The following COBL variants were observed in gnomAD, a reference collection of about 807,000 sequenced individuals.
COBL encodes cordon-bleu WH2 repeat protein.
Under a neutral mutation model 98.8 loss-of-function variants are expected in COBL, and 51 were observed. The ratio of observed to expected loss-of-function variants is 0.52; its 90% CI spans 0.41 to 0.65. COBL has a LOEUF of 0.65. COBL is among the 30% of genes least tolerant of loss of function. The pLI is 0.00. For synonymous variants in COBL, 634 were observed against 651.7 expected, an observed-to-expected ratio of 0.97 and a Z score of 0.41; for missense variants, 1,617 against 1,617.5, an observed-to-expected ratio of 1.00 and a Z score of 0.01.
chr7:51,036,336 CAAAAAAAAAAAAAAA>C (rs59610375), intron 8 of COBL, among the ~76,000 whole-genome samples: 6,923 of 94,432 alleles, frequency 0.073, 702 homozygotes, highest in African/African-American at 0.28. Context: ...GACTCCGTCT[CAAAAAAAAAAAAAAA>C]AAAAAAAAAA....
chr7:51,236,646 G>T (rs1198723478), intron 1 of COBL, among the ~76,000 whole-genome samples: 1 of 151,992 alleles, frequency 6.6e-6, no homozygotes, highest in Non-Finnish European at 1.5e-5. Context: ...TAACAGGGAG[G>T]GGCTTGGGTT....
intron 5 of COBL, among the ~76,000 whole-genome samples, chr7:51,159,307 T>A (rs757538766): frequency 2.0e-5 from 3 of 152,024 alleles, no homozygotes; most frequent in Non-Finnish European, 4.4e-5. Context: ...AGATCCTAGA[T>A]GTATCTTGAA....
intron 6 of COBL, among the ~76,000 whole-genome samples, chr7:51,099,907 G>T (rs1030927863): frequency 6.6e-6 from 1 of 152,060 alleles, no homozygotes; most frequent in African/African-American, 2.4e-5. Flanking sequence ...GTTCTAACTT[G>T]TAAGACTTTT....
At chr7:51,158,629 TG>T (rs1468083231) in intron 5 of COBL, among the ~76,000 whole-genome samples, 13 of 151,928 alleles carry the variant, frequency 8.6e-5, no homozygotes, top group African/African-American at 3.1e-4. Context: ...CTGGGGCAGG[TG>T]CCACTAGGAA....
intron 4 of COBL, 63 bp from the exon 5 acceptor site, chr7:51,184,262 T>A: frequency 1.1e-6 from 1 of 886,988 alleles, no homozygotes; most frequent in Non-Finnish European, 1.7e-6. Context: ...ATACTTTACT[T>A]AAAAAATCTT....
Position 51,016,285 on chromosome 7 carries a change from C to T in COBL, c.*1266G>A, listed in dbSNP as rs1460388070. 6.6e-6 allele frequency: 1 copy of T among 152,170 alleles called. No homozygotes were observed. The highest frequency in any genetic ancestry group is 1.5e-5 in the Non-Finnish European group (1 of 68,034). The allele number at this position is 152,170 out of a possible 1,614,324, so 9.4% of individuals were successfully genotyped here. On this transcript the variant is annotated 3_prime_UTR_variant, in exon 13 of 13. Transcript: ENST00000265136. Reference sequence around the variant, plus strand: ...GATGAAGAGCAATTGGCTGGTAGCTCGTGCCTCACCAAGAGTTTAGCAACG... The same window carrying T: ...GATGAAGAGCAATTGGCTGGTAGCTTGTGCCTCACCAAGAGTTTAGCAACG...
rs780349607 is a variant in COBL, at chr7:51,085,207, T to C, written c.1055A>G (p.Asn352Ser). 1.4e-5 allele frequency: 23 copies of C among 1,613,740 alleles called. No homozygotes were observed. The highest frequency in any genetic ancestry group is 2.7e-5 in the African/African-American group (2 of 74,856). The change falls in exon 7 of 13, where the codon AAC becomes AGC. Residue 352 changes from asparagine (N) to serine (S), a missense_variant. This residue lies in a region of COBL where 1,304 missense variants were observed against 1,282.0 expected (regional missense o/e 1.02). Transcript: ENST00000265136. ...GTTCTCCTCCTTATCCTCAGTGCGG[T>C]TGGGGATCAGGGGACTCGGTGGTGG... ...QPPPPSPLIP[N>S]RTEDKEENRK... is the part of the protein sequence containing the mutation.
intron 2 of COBL, among the ~76,000 whole-genome samples, chr7:51,217,411 G>A (rs1460446020): frequency 2.1e-5 from 3 of 144,008 alleles, no homozygotes; most frequent in East Asian, 2.1e-4. Flanking sequence ...GCGTGATCTC[G>A]GCTCACCACA....
chr7:51,017,564 G>C lies in COBL; in HGVS notation c.3773C>G (p.Pro1258Arg), dbSNP rs202162392. 6.8e-6 allele frequency: 11 copies of C among 1,613,976 alleles called. No homozygotes were observed. The highest frequency in any genetic ancestry group is 6.8e-6 in the Non-Finnish European group (8 of 1,179,868). ...GTGAARLRKVPLLV is the reference protein window; with the variant it reads ...GTGAARLRKVRLLV ...GCCTCTGTTCATTCACACGAGCAAG[G>C]GCACCTGCAGGGAAGAGAGATTCAC... is the stretch of plus-strand genomic sequence containing the variant. Residue 1258 changes from proline to arginine, a missense_variant, in exon 13 of 13, where the codon CCC becomes CGC. Coordinates refer to ENST00000265136, the MANE Select transcript of COBL (RefSeq NM_015198.5).
At chr7:51,309,033 C>A (rs570739711) in intron 1 of COBL, among the ~76,000 whole-genome samples, 2 of 152,278 alleles carry the variant, frequency 1.3e-5, no homozygotes, top group South Asian at 2.1e-4. Context: ...GTCAGGGGCA[C>A]CCCTTCCCAA....
intron 5 of COBL, among the ~76,000 whole-genome samples, chr7:51,155,226 G>A (rs1055747027): frequency 2.0e-4 from 30 of 152,136 alleles, no homozygotes; most frequent in Non-Finnish European, 3.4e-4. Flanking sequence ...AGGATCAGAA[G>A]CCACTCTGCC....
chr7:51,087,448 T>G (rs972963143), intron 6 of COBL, among the ~76,000 whole-genome samples: 3 of 152,198 alleles, frequency 2.0e-5, no homozygotes, highest in Admixed American at 2.0e-4. Flanking sequence ...TATTCAGTTC[T>G]GATCCTTATG....
At chr7:51,058,804 T>A (rs1457933798) in intron 7 of COBL, among the ~76,000 whole-genome samples, 1 of 152,230 alleles carries the variant, frequency 6.6e-6, no homozygotes, top group African/African-American at 2.4e-5. Flanking sequence ...AGAGCGAGTC[T>A]GATTGCTGAG....
At chr7:51,105,575 C>G (rs1796183767) in intron 6 of COBL, among the ~76,000 whole-genome samples, 1 of 152,074 alleles carries the variant, frequency 6.6e-6, no homozygotes, top group Admixed American at 6.5e-5. Flanking sequence ...ATAGCAAAAC[C>G]CCATCTCTAC....
chr7:51,178,497 G>T (rs1788629644), intron 5 of COBL, among the ~76,000 whole-genome samples: 1 of 151,914 alleles, frequency 6.6e-6, no homozygotes, highest in Non-Finnish European at 1.5e-5. Flanking sequence ...TTTGAACAGG[G>T]TTTTCATATA....
rs549125747 is a variant in COBL at position 51,299,369 on chromosome 7, A to G, written c.41+17224T>C. On this transcript the variant is annotated intron_variant, in intron 1 of 12. Coordinates refer to ENST00000265136, the MANE Select transcript of COBL (RefSeq NM_015198.5). ...CTTCGATTTGCTAGAACAGAAAAGA[A>G]GGTAAATCAATGGAGACTATGGACA... Among the ~76,000 whole-genome samples, 4 of 152,382 alleles carry G rather than the reference A, an allele frequency of 2.6e-5. No individual in the cohort carries two copies. The South Asian group carries it at 8.3e-4, about 32-fold the overall frequency.
intron 6 of COBL, among the ~76,000 whole-genome samples, chr7:51,094,760 T>C (rs1044090096): frequency 2.6e-5 from 4 of 152,172 alleles, no homozygotes; most frequent in South Asian, 2.1e-4. Context: ...GTGTGAATAA[T>C]TTTTAATTCT....
At chr7:51,310,145 G>A (rs1178279972) in intron 1 of COBL, among the ~76,000 whole-genome samples, 2 of 152,196 alleles carry the variant, frequency 1.3e-5, no homozygotes, top group Non-Finnish European at 2.9e-5. Flanking sequence ...ATTTTAAAAG[G>A]TGAAAGACTC....
At chr7:51,093,962 G>T (rs898363800) in intron 6 of COBL, among the ~76,000 whole-genome samples, 1 of 150,360 alleles carries the variant, frequency 6.7e-6, no homozygotes, top group Non-Finnish European at 1.5e-5. Context: ...CAGATACTTG[G>T]ATAAATTGTT....
Sources: allele counts gnomAD v4.1 joint callset (sites outside exome capture counted in the v4.1 genomes callset), GRCh38; gene constraint gnomAD v4.1.1; regional missense constraint gnomAD v4.1.1; transcripts MANE v1.5; gene names NCBI Gene and HGNC (gene_info 2026-07-23, HGNC 2026-07-21).